Variants in TNC observed in about 807,000 individuals in gnomAD.
TNC encodes tenascin.
Under a neutral mutation model 202.4 loss-of-function variants are expected in TNC, and 109 were observed. That is an observed-to-expected ratio of 0.54 (90% confidence interval 0.46 to 0.63). The LOEUF (loss-of-function observed/expected upper bound fraction) is 0.63. TNC is among the 30% of genes least tolerant of loss of function. The pLI is 0.00. For synonymous variants in TNC, 1,007 were observed against 1,089.7 expected (o/e 0.92, Z 1.50); for missense variants, 2,756 against 2,833.3 (o/e 0.97, Z 0.62).
intron 25 of TNC, among the ~76,000 whole-genome samples, chr9:115,028,553 G>T (rs961508923): frequency 5.9e-5 from 9 of 152,002 alleles, no homozygotes; most frequent in Admixed American, 3.9e-4. Context: ...CTGAGTTTTG[G>T]TTCTTCCTTA....
chr9:115,023,940 T>G (rs781555294), intron 27 of TNC, 33 bp downstream of exon 27: 21 of 1,599,472 alleles, frequency 1.3e-5, no homozygotes, highest in Non-Finnish European at 1.7e-5. Context: ...CTTCCCAAGC[T>G]TGGCCTGCTC....
chr9:115,086,997 G>T lies in TNC; in HGVS notation c.734C>A (p.Ala245Asp). 6.2e-7 allele frequency: 1 copy of T among 1,614,144 alleles called. No homozygotes were observed. Among genetic ancestry groups the T allele is most frequent in the South Asian group, 1.1e-5 (1 of 91,086 alleles). The change falls in exon 3 of 28, where the codon GCT becomes GAT. Residue 245 changes from alanine to aspartate, a missense_variant. By Grantham distance (126) the Ala-to-Asp change is moderately radical. Coordinates refer to ENST00000350763, the MANE Select transcript of TNC (RefSeq NM_002160.4). ...TGGGCAGATTTCACGGCTGCAGTCA[G>T]CCCCGGCGTAGCCTTCGAAACAGAT... ...VCICFEGYAG[A>D]DCSREICPVP... is the part of the protein sequence containing the mutation.
intron 27 of TNC, among the ~76,000 whole-genome samples, chr9:115,021,643 TG>T: frequency 6.6e-6 from 1 of 152,214 alleles, no homozygotes; most frequent in Non-Finnish European, 1.5e-5. Flanking sequence ...GCTACATACA[TG>T]GTGTGTGTGT....
chr9:115,110,735 C>A (rs887147700), intron 1 of TNC, among the ~76,000 whole-genome samples: 2 of 152,168 alleles, frequency 1.3e-5, no homozygotes, highest in African/African-American at 2.4e-5. Flanking sequence ...GGAATCATTG[C>A]CGTGAAAGGC....
intron 3 of TNC, 132 bp from the exon 4 acceptor site, chr9:115,084,604 T>A: frequency 9.1e-7 from 1 of 1,096,766 alleles, no homozygotes; most frequent in Non-Finnish European, 1.3e-6. Context: ...AAAATGCAGA[T>A]GGCATCAGGG....
chr9:115,036,324 C>G, intron 20 of TNC, 83 bp from the exon 21 acceptor site: 1 of 1,473,302 alleles, frequency 6.8e-7, no homozygotes, highest in Non-Finnish European at 9.3e-7. Context: ...ATACACACCT[C>G]CTTCGAACAT....
chr9:115,064,759 G>T lies in TNC; in HGVS notation c.3375C>A (p.Ser1125Arg), dbSNP rs61737056. 2,230 of 1,614,138 alleles carry T rather than the reference G, an allele frequency of 1.4e-3. 28 individuals carry two copies. The African/African-American group carries it at 0.027, about 20-fold the overall frequency. ...GGCCCGGTATGTCCACAGCCCGAAG[G>T]CTGCCAGGCACGGTGAGGTTCCGAG... ...EAARNLTVPG[S>R]LRAVDIPGLK... The change falls in exon 11 of 28, where the codon AGC becomes AGA. Residue 1125 changes from serine (S) to arginine (R), a missense_variant. Physicochemically the swap from Ser to Arg is moderately radical, Grantham distance 110. This residue lies in a region of TNC where 2,559 missense variants were observed against 2,546.0 expected (regional missense o/e 1.01). Coordinates refer to ENST00000350763, the MANE Select transcript of TNC (RefSeq NM_002160.4).
At position 115,073,780 on chromosome 9, in the gene TNC, C is replaced by A; in HGVS notation, c.3037G>T (p.Asp1013Tyr). 1.2e-6 allele frequency: 2 copies of A among 1,614,126 alleles called. No individual in the cohort carries two copies. Among genetic ancestry groups the A allele is most frequent in the South Asian group, 2.2e-5 (2 of 91,068 alleles). The change falls in exon 10 of 28, where the codon GAC becomes TAC. Residue 1013 changes from aspartate (D) to tyrosine (Y), a missense_variant. Physicochemically the swap from Asp to Tyr is radical, Grantham distance 160. This residue lies in a region of TNC where 2,559 missense variants were observed against 2,546.0 expected (regional missense o/e 1.01). Transcript: ENST00000350763. ...AGACTGTAATTGAGGCGGTAGCGGT[C>A]AAATTTGGCCAACGGTGTCTTCCAG... ...LLWKTPLAKF[D>Y]RYRLNYSLPT...
chr9:115,029,480 G>T, intron 24 of TNC, 24 bp from the exon 25 acceptor site: 1 of 1,609,798 alleles, frequency 6.2e-7, no homozygotes, highest in Non-Finnish European at 8.5e-7. Context: ...GATGAATCTG[G>T]GTGTACTTAA....
rs151069298 is a variant in TNC, at chr9:115,058,551, A to C, written c.4307-1126T>G. ...AAAAAGGAGGTCCGGGTGCCTTCAG[A>C]GTAGCCTCGGCTGCAAATTCTAGGC... On this transcript the variant is annotated intron_variant, in intron 14 of 27. Transcript: ENST00000350763. 4.3e-3 allele frequency among the ~76,000 whole-genome samples: 656 copies of C among 152,312 alleles called. 4 individuals are homozygous for C. Among genetic ancestry groups the C allele is most frequent in the African/African-American group, 0.012 (506 of 41,554 alleles).
At chr9:115,065,058 A>G in intron 10 of TNC, 139 bp from the exon 11 acceptor site, 1 of 900,668 alleles carries the variant, frequency 1.1e-6, no homozygotes, top group Non-Finnish European at 1.7e-6. Context: ...TGCATCCCCT[A>G]CTGGTGCTGT....
In TNC at chr9:115,074,953, T is replaced by C. The variant is rs535810994; in HGVS notation, c.2950+1079A>G. Among the ~76,000 whole-genome samples the C allele has an allele frequency of 3.9e-5, 6 of 152,328 alleles. No homozygotes were observed. The South Asian group carries it at 1.2e-3, about 32-fold the overall frequency. The stretch of plus-strand genomic sequence containing the variant: ...ACCTGGGTGATGGGCACAGGGGATC[T>C]GTCTGTATGCTTTCTCACAATTGCA... On this transcript the variant is annotated intron_variant, in intron 9 of 27. Transcript: ENST00000350763.
chr9:115,041,688 T>C (rs1192330765), intron 18 of TNC, among the ~76,000 whole-genome samples: 1 of 152,212 alleles, frequency 6.6e-6, no homozygotes, highest in Non-Finnish European at 1.5e-5. Flanking sequence ...CTTTATACAC[T>C]TTCAGCAACA....
intron 1 of TNC, among the ~76,000 whole-genome samples, chr9:115,110,717 A>C (rs529890662): frequency 2.0e-5 from 3 of 152,336 alleles, no homozygotes; most frequent in East Asian, 1.9e-4. Flanking sequence ...TTAGAATAAA[A>C]TACATTTGGA....
chr9:115,070,477 T>C (rs1833381079), intron 10 of TNC, among the ~76,000 whole-genome samples: 7 of 152,216 alleles, frequency 4.6e-5, no homozygotes, highest in Admixed American at 4.6e-4. Flanking sequence ...GGGCTGGCCG[T>C]GCCAGATTCT....
chr9:115,049,413 T>C (rs980671914), intron 15 of TNC, among the ~76,000 whole-genome samples: 1 of 152,174 alleles, frequency 6.6e-6, no homozygotes, highest in Non-Finnish European at 1.5e-5. Context: ...TAGATATTGC[T>C]ACCTGCCTTC....
At chr9:115,076,853 A>T (rs1833901733) in intron 7 of TNC, among the ~76,000 whole-genome samples, 1 of 152,206 alleles carries the variant, frequency 6.6e-6, no homozygotes, top group Non-Finnish European at 1.5e-5. Context: ...AAATAAGCTC[A>T]TGAGTGTAAA....
At chr9:115,045,885 T>C (rs992672483) in intron 17 of TNC, among the ~76,000 whole-genome samples, 1 of 152,122 alleles carries the variant, frequency 6.6e-6, no homozygotes, top group Non-Finnish European at 1.5e-5. Context: ...ATTATTCACA[T>C]GTAGCATTTT....
In TNC at chr9:115,084,485, A is replaced by G; in HGVS notation, c.1868-13T>C. The G allele has an allele frequency of 3.7e-6, 6 of 1,612,946 alleles. No individual in the cohort carries two copies. Among genetic ancestry groups the G allele is most frequent in the Non-Finnish European group, 5.1e-6 (6 of 1,179,264 alleles). On this transcript the variant is annotated splice_polypyrimidine_tract_variant and intron_variant, in intron 3 of 27. Coordinates refer to ENST00000350763, the MANE Select transcript of TNC (RefSeq NM_002160.4). ...TTGGGAGGAGACACTGGCAGGAATA[A>G]GAAAGGACATCTGGTGTCAACAGTG...
Sources: gnomAD v4.1 joint callset for allele counts (sites outside exome capture counted in the v4.1 genomes callset) on GRCh38, gnomAD v4.1.1 for gene constraint, gnomAD v4.1.1 regional missense constraint, MANE v1.5 for transcripts, NCBI Gene and HGNC (gene_info 2026-07-23, HGNC 2026-07-21) for gene names.